Variants in PAPPA observed in about 807,000 individuals in gnomAD.
PAPPA encodes the protein pappalysin-1.
Under a neutral mutation model 164.0 loss-of-function variants are expected in PAPPA, and 60 were observed. The observed-to-expected ratio is 0.37, with a 90% confidence interval of 0.30 to 0.45. The LOEUF (loss-of-function observed/expected upper bound fraction) is 0.45. Ranked by LOEUF, PAPPA falls within the 20% of genes least tolerant of loss-of-function variation. PAPPA has a pLI of 1.00. For synonymous variants in PAPPA, 875 were observed against 814.1 expected (o/e 1.07, Z -1.27); for missense variants, 1,782 against 2,087.3 (o/e 0.85, Z 2.85).
intron 4 of PAPPA, among the ~76,000 whole-genome samples, chr9:116,218,801 G>A (rs1844407326): frequency 6.6e-6 from 1 of 152,140 alleles, no homozygotes. Context: ...TCAAACCCCA[G>A]ATGTATCCCT....
At chr9:116,385,188 C>T (rs1288445228) in intron 21 of PAPPA, among the ~76,000 whole-genome samples, 1 of 151,668 alleles carries the variant, frequency 6.6e-6, no homozygotes, top group African/African-American at 2.4e-5. Flanking sequence ...GAGCCGATAT[C>T]GTGCCACTGT....
At chr9:116,241,528 C>T (rs1458322158) in intron 7 of PAPPA, among the ~76,000 whole-genome samples, 1 of 152,108 alleles carries the variant, frequency 6.6e-6, no homozygotes, top group Non-Finnish European at 1.5e-5. Context: ...GATCCTTAGT[C>T]CTTGATCACA....
intron 9 of PAPPA, among the ~76,000 whole-genome samples, chr9:116,288,445 C>CCCTCCCTT (rs1407730035): frequency 1.2e-4 from 13 of 104,898 alleles, no homozygotes; most frequent in South Asian, 4.0e-4. Flanking sequence ...CTCCCTCCCT[C>CCCTCCCTT]CCTTCCTTCC....
intron 21 of PAPPA, among the ~76,000 whole-genome samples, chr9:116,389,321 C>T (rs1381832494): frequency 1.3e-5 from 2 of 151,892 alleles, no homozygotes; most frequent in Non-Finnish European, 2.9e-5. Context: ...TTAGTAGAGA[C>T]GGGGTTTCAC....
intron 10 of PAPPA, among the ~76,000 whole-genome samples, chr9:116,315,799 A>C (rs1470340795): frequency 1.3e-5 from 2 of 152,236 alleles, no homozygotes; most frequent in Non-Finnish European, 2.9e-5. Flanking sequence ...GAGACAGAGA[A>C]AAAGGAAGGA....
At chr9:116,293,859 G>A (rs1378789756) in intron 9 of PAPPA, among the ~76,000 whole-genome samples, 1 of 152,142 alleles carries the variant, frequency 6.6e-6, no homozygotes, top group African/African-American at 2.4e-5. Context: ...GGAGGCTGAG[G>A]CAGGAGAATC....
chr9:116,285,611 T>C (rs1026229476), intron 9 of PAPPA, among the ~76,000 whole-genome samples: 2 of 152,112 alleles, frequency 1.3e-5, no homozygotes, highest in Non-Finnish European at 2.9e-5. Flanking sequence ...TTAGATTGGA[T>C]TGGGGGTCCC....
chr9:116,154,332 G>A lies in PAPPA; in HGVS notation c.160G>A (p.Gly54Ser), dbSNP rs1843572549. ...CACCTGCGCCACCCGGGCGGCCCGC[G>A]GCCGCCGCGCCTCGCCGCCGCCGCC... ...PATCATRAAR[G>S]RRASPPPPPP... The change falls in exon 1 of 22, where the codon GGC becomes AGC. Residue 54 changes from glycine (G) to serine (S), a missense_variant. Coordinates refer to ENST00000328252, the MANE Select transcript of PAPPA (RefSeq NM_002581.5). This position sits in a 1 kb window ranked among gnomAD's most constrained non-coding sequence, Gnocchi z 5.2. 1.2e-6 allele frequency: 1 copy of A among 856,158 alleles called. No homozygotes were observed. 53.0% of individuals were successfully genotyped at this position (856,158 alleles called of 1,614,324 possible). A position where few individuals can be genotyped will look rare whatever the true frequency, so the allele number is the denominator to read the frequency against.
chr9:116,390,971 T>C (rs1207663188), intron 21 of PAPPA, among the ~76,000 whole-genome samples: 1 of 152,144 alleles, frequency 6.6e-6, no homozygotes, highest in African/African-American at 2.4e-5. Context: ...AACATACTTC[T>C]GTGTGGTAGG....
rs56072627 is a variant in PAPPA at position 116,374,215 on chromosome 9, CTGATGA to C, written c.4606-3354_4606-3349del. On this transcript the variant is annotated intron_variant, in intron 19 of 21. Transcript: ENST00000328252. The stretch of plus-strand genomic sequence containing the variant: ...GATGATGATGGTGGTGCCAATGGTG[CTGATGA>C]TGATGACAGTGATGATGATGGTAAT... Among the ~76,000 whole-genome samples the C allele has an allele frequency of 8.5e-3, 1,275 of 150,790 alleles. 7 individuals are homozygous for C. The highest frequency in any genetic ancestry group is 0.015 in the Non-Finnish European group (1,000 of 67,612).
At chr9:116,371,616 T>TA (rs1440303624) in intron 19 of PAPPA, among the ~76,000 whole-genome samples, 1 of 152,216 alleles carries the variant, frequency 6.6e-6, no homozygotes. Context: ...TATTTTTATT[T>TA]TTTTTTAGTG....
In PAPPA at chr9:116,396,840, A is replaced by G. The variant is rs1426076569; in HGVS notation, c.*224A>G. The G allele has an allele frequency of 1.7e-6, 1 of 574,922 alleles. No individual in the cohort carries two copies. Among genetic ancestry groups the G allele is most frequent in the Non-Finnish European group, 3.1e-6 (1 of 320,644 alleles). The allele number at this position is 574,922 out of a possible 1,614,324, so 35.6% of individuals were successfully genotyped here. A position where few individuals can be genotyped will look rare whatever the true frequency, so the allele number is the denominator to read the frequency against. On this transcript the variant is annotated 3_prime_UTR_variant, in exon 22 of 22. Transcript: ENST00000328252. Reference sequence around the variant, plus strand: ...ATGGATTCCCATCCCAAAGTCTGAGATGGATTGCATATACAGTGTGCAGTC... The same window carrying G: ...ATGGATTCCCATCCCAAAGTCTGAGGTGGATTGCATATACAGTGTGCAGTC...
chr9:116,274,412 A>G (rs1374756988), intron 9 of PAPPA, among the ~76,000 whole-genome samples: 1 of 152,232 alleles, frequency 6.6e-6, no homozygotes, highest in Non-Finnish European at 1.5e-5. Context: ...TCTTCCTCCG[A>G]AAGGAACAGC....
At chr9:116,337,714 C>A (rs1846079981) in intron 13 of PAPPA, among the ~76,000 whole-genome samples, 1 of 152,034 alleles carries the variant, frequency 6.6e-6, no homozygotes, top group Admixed American at 6.6e-5. Flanking sequence ...CCCCGCCCCC[C>A]ACCTTCTCTT....
intron 21 of PAPPA, among the ~76,000 whole-genome samples, chr9:116,389,894 C>A (rs1371027369): frequency 6.6e-6 from 1 of 151,990 alleles, no homozygotes; most frequent in Non-Finnish European, 1.5e-5. Context: ...GATCAGATGA[C>A]CCCTACTCCT....
chr9:116,246,660 AG>A (rs2118770058), intron 7 of PAPPA, among the ~76,000 whole-genome samples: 1 of 152,296 alleles, frequency 6.6e-6, no homozygotes, highest in Admixed American at 6.5e-5. Context: ...GTTTCTCCTC[AG>A]AAATGATCAG....
rs996794690 is a variant in PAPPA at position 116,187,432 on chromosome 9, A to T, written c.694A>T (p.Thr232Ser). The change falls in exon 2 of 22, where the codon ACC (threonine) becomes TCC (serine). Residue 232 changes from threonine to serine, a missense_variant. Around this residue, in one of 2 missense-constraint regions of PAPPA, gnomAD observed 458 missense variants for 430.3 expected, o/e 1.06. Coordinates refer to ENST00000328252, the MANE Select transcript of PAPPA (RefSeq NM_002581.5). This position sits in a 1 kb window ranked among gnomAD's most constrained non-coding sequence, Gnocchi z 4.2. ...EQVGGIFSPL[T>S]QKCKVLMLGG... ...AGTGGGTGGCATATTCAGCCCACTG[A>T]CCCAGAAGTGCAAAGTGCTCATGTT... 13 of 1,614,038 alleles carry T rather than the reference A, an allele frequency of 8.1e-6. No individual in the cohort carries two copies. The South Asian group carries it at 1.3e-4, about 16-fold the overall frequency.
chr9:116,372,050 T>C (rs1161897765), intron 19 of PAPPA, among the ~76,000 whole-genome samples: 1 of 152,218 alleles, frequency 6.6e-6, no homozygotes, highest in South Asian at 2.1e-4. Flanking sequence ...CCTTCTTTTT[T>C]GTGTCCTAAA....
chr9:116,179,154 C>T (rs1480260134), intron 1 of PAPPA, among the ~76,000 whole-genome samples: 1 of 152,138 alleles, frequency 6.6e-6, no homozygotes, highest in Non-Finnish European at 1.5e-5. Context: ...TCCTAGTGTA[C>T]ATGTGGGAAA....
Sources: allele counts gnomAD v4.1 joint callset (sites outside exome capture counted in the v4.1 genomes callset), GRCh38; gene constraint gnomAD v4.1.1; regional missense constraint gnomAD v4.1.1; non-coding constraint Gnocchi (gnomAD v3.1); transcripts MANE v1.5; gene names NCBI Gene and HGNC (gene_info 2026-07-23, HGNC 2026-07-21).